The following CCZ1B variants were observed in gnomAD, a reference collection of about 807,000 sequenced individuals.
The protein encoded by CCZ1B is CCZ1B vacuolar protein trafficking and biogenesis associated.
In CCZ1B, 25 loss-of-function variants were observed where a neutral mutation model predicts 58.8. That is an observed-to-expected ratio of 0.43 (90% CI 0.31 to 0.59). The LOEUF (loss-of-function observed/expected upper bound fraction) is 0.59. Ranked by LOEUF, CCZ1B falls within the 20% of genes least tolerant of loss-of-function variation. The pLI is 0.12. For missense variants in CCZ1B, 180 were observed against 501.5 expected (o/e 0.36, Z 6.12); for synonymous variants, 66 against 173.2 (o/e 0.38, Z 4.86).
At chr7:6,815,707 C>A (rs1171485965) in intron 7 of CCZ1B, among the ~76,000 whole-genome samples, 1 of 149,126 alleles carries the variant, frequency 6.7e-6, no homozygotes, top group African/African-American at 2.5e-5. Flanking sequence ...GAACTTTATC[C>A]TGACCTGCAA....
rs1229184863 is a variant in CCZ1B, at chr7:6,816,341, C to G, written c.699-1496G>C. 2.0e-5 allele frequency among the ~76,000 whole-genome samples: 3 copies of G among 148,980 alleles called. 1 individual carries two copies. Among genetic ancestry groups the G allele is most frequent in the Admixed American group, 2.0e-4 (3 of 14,948 alleles). On this transcript the variant is annotated intron_variant, in intron 7 of 14. Transcript: ENST00000316731. ...CTAAAAAATATAAAAATTTGCTAGG[C>G]CTGATAGCACACACCTCTAATCCCA...
chr7:6,822,135 C>T lies in CCZ1B; in HGVS notation c.522+146G>A, dbSNP rs1375043263. On this transcript the variant is annotated intron_variant, in intron 6 of 14. Transcript: ENST00000316731. ...ACGCCTCATGCGTTTCCTCGCTGCTCCAGTTTTGCGACGGTCTGTCTCAGG... is the reference window on the plus strand; with the variant it reads ...ACGCCTCATGCGTTTCCTCGCTGCTTCAGTTTTGCGACGGTCTGTCTCAGG... 1.0e-4 allele frequency: 125 copies of T among 1,206,740 alleles called. 1 individual carries two copies. Among genetic ancestry groups the T allele is most frequent in the Non-Finnish European group, 1.3e-4 (117 of 883,052 alleles). The allele number at this position is 1,206,740 out of a possible 1,614,324, so 74.8% of individuals were successfully genotyped here.
intron 10 of CCZ1B, among the ~76,000 whole-genome samples, chr7:6,810,053 C>T (rs1782895450): frequency 1.3e-5 from 2 of 150,848 alleles, no homozygotes; most frequent in African/African-American, 4.9e-5. Flanking sequence ...GCTCTGTTGC[C>T]CAGACTGGAG....
chr7:6,812,095 A>C, intron 9 of CCZ1B, 32 bp from the exon 10 acceptor site: 1 of 906,328 alleles, frequency 1.1e-6, no homozygotes, highest in Non-Finnish European at 1.8e-6. Context: ...GACTTGATTC[A>C]ACGAGGTGAA....
chr7:6,815,383 G>T (rs147197934), intron 7 of CCZ1B, among the ~76,000 whole-genome samples: 1,653 of 149,380 alleles, frequency 0.011, 32 homozygotes, highest in Middle Eastern at 0.017. Flanking sequence ...GGCTGGTTTC[G>T]AACTCCTGGA....
Position 6,819,798 on chromosome 7 carries a change from G to C in CCZ1B, c.666C>G (p.Tyr222Ter), listed in dbSNP as rs1209064975. 1 of 1,553,526 alleles carries C rather than the reference G, an allele frequency of 6.4e-7. No homozygotes were observed. The highest frequency in any genetic ancestry group is 1.5e-5 in the African/African-American group (1 of 68,240). Residue 222 changes from tyrosine to a stop codon, truncating the protein, a stop_gained, in exon 7 of 15, where the codon TAC (tyrosine) becomes TAG (stop). Coordinates refer to ENST00000316731, the MANE Select transcript of CCZ1B (RefSeq NM_198097.5). LOFTEE classifies it high-confidence loss of function. ...GCTGATCGTTATAGAGAAAAGCAGT[G>C]TATTTGACTATATTCAGGCTTTCCT... Reference protein sequence around the residue: ...RMEESLNIVKYTAFLYNDQLI... With the variant: ...RMEESLNIVK
intron 5 of CCZ1B, 21 bp from the exon 6 acceptor site, chr7:6,822,385 A>C: frequency 6.3e-7 from 1 of 1,583,864 alleles, no homozygotes; most frequent in East Asian, 2.2e-5. Context: ...AAAAGATTGC[A>C]GAAAAAAAAA....
chr7:6,822,835 G>A (rs1241930594), intron 5 of CCZ1B, among the ~76,000 whole-genome samples: 1 of 144,138 alleles, frequency 6.9e-6, no homozygotes, highest in Non-Finnish European at 1.5e-5. Context: ...CCAGGTAGCT[G>A]GGACTACAGG....
intron 7 of CCZ1B, among the ~76,000 whole-genome samples, chr7:6,818,467 T>G (rs1783044031): frequency 6.7e-6 from 1 of 149,144 alleles, no homozygotes; most frequent in African/African-American, 2.5e-5. Context: ...GAGAATCGCT[T>G]GAACCCAGGA....
chr7:6,814,708 C>T lies in CCZ1B; in HGVS notation c.780+56G>A, dbSNP rs1293359526. The T allele has an allele frequency of 6.8e-6, 10 of 1,475,908 alleles. No homozygotes were observed. The South Asian group carries it at 9.6e-5, about 14-fold the overall frequency. The allele number at this position is 1,475,908 out of a possible 1,614,324, so 91.4% of individuals were successfully genotyped here. A position where few individuals can be genotyped will look rare whatever the true frequency, so the allele number is the denominator to read the frequency against. Reference sequence around the variant, plus strand: ...CCCCATGCACCACCATCTCACTCCACCTGCCCTCTCTGTGCCCCTGCATGT... The same window carrying T: ...CCCCATGCACCACCATCTCACTCCATCTGCCCTCTCTGTGCCCCTGCATGT... On this transcript the variant is annotated intron_variant, in intron 8 of 14. Transcript: ENST00000316731.
chr7:6,816,459 C>A lies in CCZ1B; in HGVS notation c.699-1614G>T, dbSNP rs541424395. Among the ~76,000 whole-genome samples, 196 of 147,700 alleles carry A rather than the reference C, an allele frequency of 1.3e-3. 5 individuals carry two copies. Among genetic ancestry groups the A allele is most frequent in the Admixed American group, 4.4e-3 (65 of 14,818 alleles). ...TCACACCACTGCACTCTAGCCTGGG[C>A]AACCAAGCAAATGAGACTCAGTCTC... On this transcript the variant is annotated intron_variant, in intron 7 of 14. Transcript: ENST00000316731.
chr7:6,813,134 A>T, intron 8 of CCZ1B, 97 bp from the exon 9 acceptor site: 1 of 1,201,342 alleles, frequency 8.3e-7, no homozygotes, highest in South Asian at 1.4e-5. Flanking sequence ...GTTCCATGCC[A>T]TTTGTCTTTT....
chr7:6,821,436 G>C (rs1333069359), intron 6 of CCZ1B, among the ~76,000 whole-genome samples: 4 of 152,284 alleles, frequency 2.6e-5, no homozygotes, highest in Non-Finnish European at 4.4e-5. Context: ...ATATGCGAGT[G>C]GATAATTGTG....
At chr7:6,816,849 C>T (rs1783009529) in intron 7 of CCZ1B, among the ~76,000 whole-genome samples, 1 of 151,508 alleles carries the variant, frequency 6.6e-6, no homozygotes, top group South Asian at 2.1e-4. Flanking sequence ...AACTTCCAGG[C>T]TCAAGTGATT....
intron 7 of CCZ1B, among the ~76,000 whole-genome samples, chr7:6,818,686 AAAGAAAGACAAGAAAGAAAGAAAGAC>A (rs1783056527): frequency 2.4e-5 from 2 of 81,784 alleles, no homozygotes; most frequent in African/African-American, 1.1e-4. Flanking sequence ...AGAAAGAAAG[AAAGAAAGACAAGAAAGAAAGAAAGAC>A]AAGAAAGAAA....
chr7:6,821,887 T>A (rs1783117267), intron 6 of CCZ1B, among the ~76,000 whole-genome samples: 1 of 149,828 alleles, frequency 6.7e-6, no homozygotes, highest in African/African-American at 2.5e-5. Context: ...TTTACGCCCG[T>A]TTAGTGAACA....
intron 7 of CCZ1B, among the ~76,000 whole-genome samples, chr7:6,819,229 A>T (rs1207565288): frequency 7.2e-6 from 1 of 139,516 alleles, no homozygotes. Context: ...ATCTTACTTG[A>T]TAGGAACATT....
Position 6,824,745 on chromosome 7 carries a change from A to G in CCZ1B, c.121-8T>C. 6.3e-7 allele frequency: 1 copy of G among 1,585,516 alleles called. No homozygotes were observed. The highest frequency in any genetic ancestry group is 8.6e-7 in the Non-Finnish European group (1 of 1,164,282). ...TAAAATCTTATTTTCCTCCTGAAAC[A>G]TGAGGAAACAGAAGCACAACATGAA... is the stretch of plus-strand genomic sequence containing the variant. On this transcript the variant is annotated splice_region_variant and splice_polypyrimidine_tract_variant and intron_variant, in intron 1 of 14. Transcript: ENST00000316731.
intron 9 of CCZ1B, chr7:6,812,403 T>A: frequency 3.1e-6 from 1 of 327,562 alleles, no homozygotes; most frequent in South Asian, 2.6e-5. Context: ...GCAGGGGAAT[T>A]GCTTGAACCC....
Sources: allele counts gnomAD v4.1 joint callset (sites outside exome capture counted in the v4.1 genomes callset), GRCh38; gene constraint gnomAD v4.1.1; transcripts MANE v1.5; gene names NCBI Gene and HGNC (gene_info 2026-07-23, HGNC 2026-07-21).